The following MAPK10 variants were observed in gnomAD, a reference collection of about 807,000 sequenced individuals.
The protein encoded by MAPK10 is mitogen-activated protein kinase 10.
A neutral mutation model predicts 59.3 loss-of-function variants in MAPK10; 25 were observed. The ratio of observed to expected loss-of-function variants is 0.42; its 90% CI spans 0.31 to 0.59. The LOEUF (loss-of-function observed/expected upper bound fraction) is 0.59. Ranked by LOEUF, MAPK10 falls within the 20% of genes least tolerant of loss-of-function variation. The pLI is 0.15. For missense variants in MAPK10, 351 were observed against 568.9 expected, an observed-to-expected ratio of 0.62 and a Z score of 3.90; for synonymous variants, 190 against 200.5, an observed-to-expected ratio of 0.95 and a Z score of 0.44.
In MAPK10 at chr4:86,506,461, G is replaced by T. The variant is rs1755744898; in HGVS notation, c.-263+87449C>A. On this transcript the variant is annotated intron_variant, in intron 1 of 4. Transcript: ENST00000502302. ...TTCATTTACAAAATGGAGATAATGT[G>T]ATTACACACTGCATAAAAACAGACT... Among the ~76,000 whole-genome samples the T allele has an allele frequency of 2.0e-5, 3 of 152,102 alleles. No individual in the cohort carries two copies. The South Asian group carries it at 6.2e-4, about 32-fold the overall frequency.
In MAPK10 at chr4:86,017,158, T is replaced by TGG; in HGVS notation, c.*69_*70insCC. 6.7e-7 allele frequency: 1 copy of TGG among 1,494,826 alleles called. No homozygotes were observed. The highest frequency in any genetic ancestry group is 1.2e-5 in the South Asian group (1 of 82,926). 92.6% of individuals were successfully genotyped at this position (1,494,826 alleles called of 1,614,324 possible). ...GTGTCTGCATTTGTGTGTGTGTGTG[T>TGG]GTCTGCGTGTGTGTGTGTTCCATCA... On this transcript the variant is annotated 3_prime_UTR_variant, in exon 14 of 14. Coordinates refer to ENST00000641462, the MANE Select transcript of MAPK10 (RefSeq NM_138982.4). This position sits in a 1 kb window ranked among gnomAD's most constrained non-coding sequence, Gnocchi z 4.4.
chr4:86,364,475 A>C (rs2148987663), upstream of MAPK10, among the ~76,000 whole-genome samples: 1 of 152,302 alleles, frequency 6.6e-6, no homozygotes, highest in South Asian at 2.1e-4. Flanking sequence ...GATTCTTGGT[A>C]TTAGTTACAA....
intron 1 of MAPK10, among the ~76,000 whole-genome samples, chr4:86,502,843 A>C (rs1448605642): frequency 6.6e-6 from 1 of 152,062 alleles, no homozygotes; most frequent in Non-Finnish European, 1.5e-5. Flanking sequence ...TTTTTGCCAA[A>C]ATTTACCACC....
chr4:86,394,601 A>G (rs924034020), intron 1 of MAPK10, among the ~76,000 whole-genome samples: 1 of 152,172 alleles, frequency 6.6e-6, no homozygotes, highest in Non-Finnish European at 1.5e-5. Context: ...TAATAGGTTT[A>G]AGGAGAAGAA....
chr4:86,156,277 AT>A (rs1426636348), intron 4 of MAPK10, among the ~76,000 whole-genome samples: 1 of 152,090 alleles, frequency 6.6e-6, no homozygotes, highest in East Asian at 1.9e-4. Context: ...TCCAAGTGGA[AT>A]TTTTTTAAAG....
At chr4:86,136,885 C>T (rs1267648458) in intron 4 of MAPK10, among the ~76,000 whole-genome samples, 1 of 152,200 alleles carries the variant, frequency 6.6e-6, no homozygotes, top group East Asian at 1.9e-4. Flanking sequence ...GGTTGTAATC[C>T]TAGTCTCTGA....
chr4:86,361,091 A>G (rs1736870215), upstream of MAPK10, among the ~76,000 whole-genome samples: 3 of 152,342 alleles, frequency 2.0e-5, no homozygotes, highest in South Asian at 6.2e-4. Flanking sequence ...TAGCATACTT[A>G]TATGAATATG....
intron 1 of MAPK10, among the ~76,000 whole-genome samples, chr4:86,567,627 T>A (rs1313492490): frequency 6.6e-6 from 1 of 152,218 alleles, no homozygotes; most frequent in Non-Finnish European, 1.5e-5. Context: ...ATGTAATATA[T>A]CTATGTAACA....
intron 4 of MAPK10, among the ~76,000 whole-genome samples, chr4:86,116,164 T>C (rs1055168574): frequency 1.3e-5 from 2 of 152,166 alleles, no homozygotes; most frequent in Non-Finnish European, 2.9e-5. Context: ...CATGAAGGCA[T>C]ATAAGGGAGT....
chr4:86,431,111 G>C (rs529249835), intron 1 of MAPK10, among the ~76,000 whole-genome samples: 1 of 151,310 alleles, frequency 6.6e-6, no homozygotes, highest in Non-Finnish European at 1.5e-5. Flanking sequence ...GAAGAAAAGA[G>C]AAAGAAAAGA....
At chr4:86,048,655 C>G (rs2042958820) in intron 11 of MAPK10, among the ~76,000 whole-genome samples, 1 of 151,936 alleles carries the variant, frequency 6.6e-6, no homozygotes, top group Non-Finnish European at 1.5e-5. Flanking sequence ...CACAGAAAAC[C>G]ACACTCTTCC....
chr4:86,074,873 T>C (rs1342824393), intron 9 of MAPK10, among the ~76,000 whole-genome samples: 1 of 123,766 alleles, frequency 8.1e-6, no homozygotes, highest in Non-Finnish European at 1.7e-5. Context: ...TTATGTGTCT[T>C]GGAGTTGCTC....
intron 4 of MAPK10, among the ~76,000 whole-genome samples, chr4:86,151,683 G>T (rs1016773244): frequency 2.6e-5 from 4 of 152,276 alleles, no homozygotes; most frequent in Admixed American, 6.5e-5. Context: ...GAACAGGGAT[G>T]CCTTGAAAGA....
chr4:86,566,713 T>TA (rs146401159), intron 1 of MAPK10, among the ~76,000 whole-genome samples: 7,075 of 146,916 alleles, frequency 0.048, 217 homozygotes, highest in African/African-American at 0.06. Context: ...AGAATCCATT[T>TA]AAAAAAAAAA....
chr4:86,384,771 C>T (rs1257388123), intron 1 of MAPK10, among the ~76,000 whole-genome samples: 1 of 152,130 alleles, frequency 6.6e-6, no homozygotes, highest in Non-Finnish European at 1.5e-5. Context: ...TGATATTTCA[C>T]AGAAATTATG....
At chr4:86,501,114 GAAAAAAAAA>G (rs11341561) in intron 1 of MAPK10, among the ~76,000 whole-genome samples, 2 of 87,862 alleles carry the variant, frequency 2.3e-5, no homozygotes, top group East Asian at 6.9e-4. Context: ...TCTACGATCT[GAAAAAAAAA>G]AAAAAAAAAA....
In MAPK10 at chr4:86,013,709, T is replaced by A. The variant is rs578251648; in HGVS notation, c.*3519A>T. The A allele has an allele frequency of 1.3e-5, 2 of 152,156 alleles. No individual in the cohort carries two copies. Among genetic ancestry groups the A allele is most frequent in the Non-Finnish European group, 2.9e-5 (2 of 68,036 alleles). The allele number at this position is 152,156 out of a possible 1,614,324, so 9.4% of individuals were successfully genotyped here. A position where few individuals can be genotyped will look rare whatever the true frequency, so the allele number is the denominator to read the frequency against. On this transcript the variant is annotated 3_prime_UTR_variant, in exon 14 of 14. Transcript: ENST00000641462. ...AGTTTTACCAGTCAGCTGCTATCAG[T>A]GTCTTTAGATAATATTTTTCTGATA...
At chr4:86,305,068 C>CA (rs1359907784) in intron 2 of MAPK10, among the ~76,000 whole-genome samples, 2 of 152,034 alleles carry the variant, frequency 1.3e-5, no homozygotes, top group Non-Finnish European at 2.9e-5. Flanking sequence ...AACAAACAAA[C>CA]AAAAAATATA....
chr4:86,482,885 C>A (rs1315348874), intron 1 of MAPK10, among the ~76,000 whole-genome samples: 1 of 152,122 alleles, frequency 6.6e-6, no homozygotes, highest in Non-Finnish European at 1.5e-5. Flanking sequence ...TCTGGCTCAC[C>A]TAATTTTTTT....
Sources: allele counts gnomAD v4.1 joint callset (sites outside exome capture counted in the v4.1 genomes callset), GRCh38; gene constraint gnomAD v4.1.1; non-coding constraint Gnocchi (gnomAD v3.1); transcripts MANE v1.5; gene names NCBI Gene and HGNC (gene_info 2026-07-23, HGNC 2026-07-21).